USP13: variants seen among roughly 807,000 people sequenced by gnomAD.
The protein encoded by USP13 is ubiquitin specific peptidase 13.
USP13 carries 68 observed loss-of-function variants against 107.8 expected under a neutral mutation model. The observed-to-expected ratio is 0.63, with a 90% CI of 0.52 to 0.77. The LOEUF (loss-of-function observed/expected upper bound fraction) is 0.77, where lower values mean the gene tolerates loss of function less well. USP13 is among the 30% of genes least tolerant of loss of function. The probability of loss-of-function intolerance (pLI) is 0.00; values close to 1 mark genes in which losing one functional copy is unlikely to be tolerated. For synonymous variants in USP13, 377 were observed against 389.5 expected, an observed-to-expected ratio of 0.97 and a Z score of 0.38; for missense variants, 945 against 1,093.3, an observed-to-expected ratio of 0.86 and a Z score of 1.91.
intron 19 of USP13, among the ~76,000 whole-genome samples, chr3:179,777,944 G>T (rs1227587233): frequency 6.6e-6 from 1 of 152,142 alleles, no homozygotes; most frequent in Non-Finnish European, 1.5e-5. Flanking sequence ...GGTAAAGGTG[G>T]GTTCTTAGTG....
At chr3:179,690,665 C>T (rs1025890532) in intron 3 of USP13, among the ~76,000 whole-genome samples, 11 of 152,146 alleles carry the variant, frequency 7.2e-5, no homozygotes, top group Non-Finnish European at 1.5e-4. Context: ...CTGCGCCTCC[C>T]GGGCTCAAGC....
intron 2 of USP13, among the ~76,000 whole-genome samples, chr3:179,686,868 C>T (rs1576925311): frequency 6.6e-6 from 1 of 152,242 alleles, no homozygotes; most frequent in African/African-American, 2.4e-5. Context: ...CTGTTCCTCT[C>T]CTGTTTTCTT....
At chr3:179,751,876 C>A (rs1714624498) in intron 13 of USP13, among the ~76,000 whole-genome samples, 1 of 151,982 alleles carries the variant, frequency 6.6e-6, no homozygotes, top group African/African-American at 2.4e-5. Context: ...GTGCCCCAAT[C>A]CCCACTAATT....
At chr3:179,755,825 A>G (rs140887645) in intron 15 of USP13, among the ~76,000 whole-genome samples, 555 of 152,342 alleles carry the variant, frequency 3.6e-3, no homozygotes, top group Non-Finnish European at 6.6e-3. Flanking sequence ...GTTTTCCATC[A>G]GTTAAGCAGT....
At chr3:179,783,395 A>AGAGTGCATACAATT (rs1421118307) in intron 20 of USP13, among the ~76,000 whole-genome samples, 2 of 152,250 alleles carry the variant, frequency 1.3e-5, no homozygotes, top group African/African-American at 4.8e-5. Flanking sequence ...AAGTATGTGC[A>AGAGTGCATACAATT]GAGTGCATAC....
chr3:179,751,366 T>A (rs1315924410), intron 13 of USP13, among the ~76,000 whole-genome samples: 1 of 152,228 alleles, frequency 6.6e-6, no homozygotes, highest in Non-Finnish European at 1.5e-5. Context: ...ATAATATGTC[T>A]ACCCCTAGGA....
chr3:179,773,169 A>G (rs942560114), intron 19 of USP13, among the ~76,000 whole-genome samples: 6 of 152,166 alleles, frequency 3.9e-5, no homozygotes, highest in Non-Finnish European at 7.3e-5. Flanking sequence ...CTTGTGGGGG[A>G]AAAGCATATC....
chr3:179,659,209 A>G (rs1198547110), intron 1 of USP13, among the ~76,000 whole-genome samples: 4 of 152,180 alleles, frequency 2.6e-5, no homozygotes, highest in African/African-American at 4.8e-5. Context: ...GATATCCACC[A>G]GGAAAGACTT....
intron 13 of USP13, among the ~76,000 whole-genome samples, 160 bp downstream of exon 13, chr3:179,745,377 T>C (rs1714367377): frequency 6.6e-6 from 1 of 152,226 alleles, no homozygotes; most frequent in African/African-American, 2.4e-5. Context: ...TCGTCAAACT[T>C]CACTTGTGTG....
chr3:179,759,386 C>T (rs1433009524), intron 16 of USP13, among the ~76,000 whole-genome samples: 2 of 152,010 alleles, frequency 1.3e-5, no homozygotes, highest in African/African-American at 4.8e-5. Context: ...TGAAAGGTGC[C>T]CTGCAGAGTT....
At chr3:179,680,494 G>A (rs1711612965) in intron 1 of USP13, among the ~76,000 whole-genome samples, 1 of 152,132 alleles carries the variant, frequency 6.6e-6, no homozygotes, top group South Asian at 2.1e-4. Flanking sequence ...TAACAAAAAT[G>A]CTCATTGAAG....
In USP13 at chr3:179,725,190, C is replaced by T. The variant is rs1047866452; in HGVS notation, c.1088+3601C>T. On this transcript the variant is annotated intron_variant, in intron 8 of 20. Coordinates refer to ENST00000263966, the MANE Select transcript of USP13 (RefSeq NM_003940.3). ...TTGTGCCACTGTACTCCATCCTGGG[C>T]GAGGGAGTGAGACGCTGTCTTGAAA... Among the ~76,000 whole-genome samples, 37 of 152,264 alleles carry T rather than the reference C, an allele frequency of 2.4e-4. 1 individual carries two copies. The highest frequency in any genetic ancestry group is 7.2e-4 in the African/African-American group (30 of 41,554).
intron 3 of USP13, among the ~76,000 whole-genome samples, chr3:179,693,809 G>T (rs1343866525): frequency 1.3e-5 from 2 of 152,034 alleles, no homozygotes; most frequent in Admixed American, 1.3e-4. Flanking sequence ...GAGTAGCTGG[G>T]ATTACAGGTG....
chr3:179,708,171 A>G (rs2268939), intron 5 of USP13, among the ~76,000 whole-genome samples: 100,353 of 152,046 alleles, frequency 0.66, 34,012 homozygotes, highest in Non-Finnish European at 0.73. Context: ...AAGGAAATGA[A>G]CTCCTCTCCT....
chr3:179,672,718 C>A lies in USP13; in HGVS notation c.169-9160C>A, dbSNP rs147216738. On this transcript the variant is annotated intron_variant, in intron 1 of 20. Transcript: ENST00000263966. ...CGTGAGCCTCTGAACCCGGCCAGTG[C>A]TGCTCCTTTCTTACCGTTTGATTAT... Among the ~76,000 whole-genome samples, 6 of 152,302 alleles carry A rather than the reference C, an allele frequency of 3.9e-5. No individual in the cohort carries two copies. In the East Asian group the frequency reaches 1.2e-3, roughly 29 times the overall value.
At chr3:179,741,317 G>A (rs1714192190) in intron 11 of USP13, among the ~76,000 whole-genome samples, 1 of 151,934 alleles carries the variant, frequency 6.6e-6, no homozygotes, top group African/African-American at 2.4e-5. Flanking sequence ...GCAGGTTCAA[G>A]TGATTCTTCT....
chr3:179,721,800 A>G lies in USP13; in HGVS notation c.1088+211A>G, dbSNP rs983447000. 6.6e-6 allele frequency among the ~76,000 whole-genome samples: 1 copy of G among 152,130 alleles called. No individual in the cohort carries two copies. Among genetic ancestry groups the G allele is most frequent in the Non-Finnish European group, 1.5e-5 (1 of 68,042 alleles). On this transcript the variant is annotated intron_variant, in intron 8 of 20. Transcript: ENST00000263966. This position sits in a 1 kb window ranked among gnomAD's most constrained non-coding sequence, Gnocchi z 4.3. ...TAAGAAGAGCTTTGTGGCCGGGCGCAGTGTCTAACGCCTGTAATCTCAGCA... is the reference window on the plus strand; with the variant it reads ...TAAGAAGAGCTTTGTGGCCGGGCGCGGTGTCTAACGCCTGTAATCTCAGCA...
At chr3:179,688,091 A>ATCCGTCCG (rs1385187665) in intron 2 of USP13, among the ~76,000 whole-genome samples, 4 of 148,084 alleles carry the variant, frequency 2.7e-5, no homozygotes, top group African/African-American at 1.0e-4. Flanking sequence ...CCATCCATCC[A>ATCCGTCCG]TCCATCCGTC....
chr3:179,682,257 A>AAC (rs1553788680), intron 2 of USP13, among the ~76,000 whole-genome samples: 3 of 151,268 alleles, frequency 2.0e-5, no homozygotes, highest in African/African-American at 2.4e-5. Context: ...GAAAAAAAAA[A>AAC]CCGAAACTAG....
Sources: gnomAD v4.1 joint callset for allele counts (sites outside exome capture counted in the v4.1 genomes callset) on GRCh38, gnomAD v4.1.1 for gene constraint, Gnocchi (gnomAD v3.1) non-coding constraint, MANE v1.5 for transcripts, NCBI Gene and HGNC (gene_info 2026-07-23, HGNC 2026-07-21) for gene names.